The following KIF3A variants were observed in gnomAD, a reference collection of about 807,000 sequenced individuals.
KIF3A encodes the protein kinesin family member 3A, also known as kinesin-like protein KIF3A.
A neutral mutation model predicts 92.6 loss-of-function variants in KIF3A; 27 were observed. The observed-to-expected ratio is 0.29, with a 90% CI of 0.21 to 0.40. The LOEUF (loss-of-function observed/expected upper bound fraction) is 0.40, where lower values mean the gene tolerates loss of function less well. KIF3A is among the 10% of genes least tolerant of loss of function. The probability of loss-of-function intolerance (pLI) is 1.00; values close to 1 mark genes in which losing one functional copy is unlikely to be tolerated. For missense variants in KIF3A, 581 were observed against 872.6 expected (o/e 0.67, Z 4.21); for synonymous variants, 250 against 275.4 (o/e 0.91, Z 0.92).
Position 132,726,384 on chromosome 5 carries a change from C to A in KIF3A, c.395G>T (p.Gly132Val). The change falls in exon 3 of 19, where the codon GGT (glycine) becomes GTT (valine). Residue 132 changes from glycine to valine, a missense_variant. Physicochemically the swap from Gly to Val is moderately radical, Grantham distance 109. Transcript: ENST00000403231. ...IIPNSFAHIF[G>V]HIAKAEGDTR... ...ATCACCCTCCGCTTTTGCAATATGA[C>A]CAAATATGTGAGCAAATGAATTGGG... The A allele has an allele frequency of 6.2e-7, 1 of 1,613,724 alleles. No individual in the cohort carries two copies.
At chr5:132,720,272 AAG>A (rs1487185835) in intron 5 of KIF3A, among the ~76,000 whole-genome samples, 3 of 152,248 alleles carry the variant, frequency 2.0e-5, no homozygotes, top group Non-Finnish European at 4.4e-5. Flanking sequence ...TGTGAGGACT[AAG>A]AGAGCATCTT....
chr5:132,699,413 A>C, intron 17 of KIF3A, 118 bp from the exon 18 acceptor site: 1 of 950,052 alleles, frequency 1.1e-6, no homozygotes, highest in Non-Finnish European at 1.6e-6. Flanking sequence ...CTAAAACCAA[A>C]GAAATGTCTA....
intron 2 of KIF3A, among the ~76,000 whole-genome samples, chr5:132,733,455 G>A (rs1178818200): frequency 6.6e-6 from 1 of 152,200 alleles, no homozygotes; most frequent in Non-Finnish European, 1.5e-5. Context: ...AAATACAGAT[G>A]AGAGAAATTA....
At chr5:132,737,276 CA>C in intron 1 of KIF3A, 137 bp downstream of exon 1, 1 of 963,650 alleles carries the variant, frequency 1.0e-6, no homozygotes, top group South Asian at 2.1e-5. Context: ...GCTCTCCAAC[CA>C]CCTCCACCGC....
At chr5:132,720,573 C>A in intron 5 of KIF3A, 36 bp downstream of exon 5, 1 of 1,385,662 alleles carries the variant, frequency 7.2e-7, no homozygotes, top group Non-Finnish European at 1.0e-6. Context: ...CTACTCAACA[C>A]ACAGATGCTT....
intron 1 of KIF3A, among the ~76,000 whole-genome samples, chr5:132,735,886 G>A (rs1161615375): frequency 6.6e-6 from 1 of 152,178 alleles, no homozygotes; most frequent in African/African-American, 2.4e-5. Flanking sequence ...ATTCTGCCTG[G>A]CTCATCCATG....
rs554044823 is a variant in KIF3A at position 132,702,323 on chromosome 5, C to T, written c.1759-111G>A. 48 of 1,034,800 alleles carry T rather than the reference C, an allele frequency of 4.6e-5. No individual in the cohort carries two copies. The African/African-American group carries it at 6.3e-4, about 14-fold the overall frequency. The allele number at this position is 1,034,800 out of a possible 1,614,324, so 64.1% of individuals were successfully genotyped here. Reference sequence around the variant, plus strand: ...AAACCTTGTGAGAGCTTACCTAGTTCTTTTATAAAAATGATAAACAGCGTG... The same window carrying T: ...AAACCTTGTGAGAGCTTACCTAGTTTTTTTATAAAAATGATAAACAGCGTG... On this transcript the variant is annotated intron_variant, in intron 14 of 18. Coordinates refer to ENST00000403231, the MANE Select transcript of KIF3A (RefSeq NM_001300791.2).
Position 132,696,290 on chromosome 5 carries a change from C to T in KIF3A, c.*344G>A. The T allele has an allele frequency of 6.2e-6, 1 of 162,322 alleles. No individual in the cohort carries two copies. 10.1% of individuals were successfully genotyped at this position (162,322 alleles called of 1,614,324 possible). ...GTTTTTTTTTTTCTATTTTGAAATTCTAGTTACCTAAATATACAGTAGTTG... is the reference window on the plus strand; with the variant it reads ...GTTTTTTTTTTTCTATTTTGAAATTTTAGTTACCTAAATATACAGTAGTTG... On this transcript the variant is annotated 3_prime_UTR_variant, in exon 19 of 19. Coordinates refer to ENST00000403231, the MANE Select transcript of KIF3A (RefSeq NM_001300791.2).
In KIF3A at chr5:132,728,729, T is replaced by A. The variant is rs181409173; in HGVS notation, c.281-2231A>T. Among the ~76,000 whole-genome samples, 7 of 147,786 alleles carry A rather than the reference T, an allele frequency of 4.7e-5. No homozygotes were observed. The East Asian group carries it at 1.4e-3, about 30-fold the overall frequency. ...TCCAGCCAGGGTGACAGAGTGAGAC[T>A]CTGTCTCAAAAAATACAATAAATAA... On this transcript the variant is annotated intron_variant, in intron 2 of 18. Coordinates refer to ENST00000403231, the MANE Select transcript of KIF3A (RefSeq NM_001300791.2).
At chr5:132,721,028 G>A (rs1753805202) in intron 4 of KIF3A, among the ~76,000 whole-genome samples, 1 of 152,188 alleles carries the variant, frequency 6.6e-6, no homozygotes, top group Non-Finnish European at 1.5e-5. Flanking sequence ...ATAAAAAGGA[G>A]GCAGTTAGTC....
intron 4 of KIF3A, among the ~76,000 whole-genome samples, chr5:132,725,927 C>G (rs1273969579): frequency 2.0e-5 from 3 of 152,108 alleles, no homozygotes; most frequent in Non-Finnish European, 4.4e-5. Context: ...ATCAAATTTA[C>G]CAATAATTTA....
intron 4 of KIF3A, among the ~76,000 whole-genome samples, chr5:132,724,152 T>C (rs185024023): frequency 2.6e-5 from 4 of 151,872 alleles, no homozygotes; most frequent in Non-Finnish European, 5.9e-5. Context: ...AGGAAACAGG[T>C]GTTGGAGAGG....
At chr5:132,734,583 G>C in intron 1 of KIF3A, 105 bp from the exon 2 acceptor site, 2 of 933,274 alleles carry the variant, frequency 2.1e-6, no homozygotes, top group Non-Finnish European at 3.1e-6. Flanking sequence ...TCAGTGCCTT[G>C]CACACATTAA....
At chr5:132,724,556 C>T (rs1332347141) in intron 4 of KIF3A, among the ~76,000 whole-genome samples, 1 of 151,736 alleles carries the variant, frequency 6.6e-6, no homozygotes, top group Non-Finnish European at 1.5e-5. Context: ...AAAAACCAAA[C>T]ACCACATGTT....
chr5:132,710,202 G>C (rs1307562824), intron 9 of KIF3A, among the ~76,000 whole-genome samples: 2 of 152,028 alleles, frequency 1.3e-5, no homozygotes, highest in African/African-American at 4.8e-5. Flanking sequence ...ATTTTATAAA[G>C]AAAAAGAACT....
At chr5:132,689,396 C>A (rs1201936837), downstream of KIF3A, among the ~76,000 whole-genome samples, 2 of 152,154 alleles carry the variant, frequency 1.3e-5, no homozygotes, top group South Asian at 4.1e-4. Flanking sequence ...CAGAAAATAA[C>A]ATTATTAGGA....
At chr5:132,711,688 T>C (rs1377017728) in intron 8 of KIF3A, among the ~76,000 whole-genome samples, 3 of 152,152 alleles carry the variant, frequency 2.0e-5, no homozygotes, top group African/African-American at 7.2e-5. Context: ...CTTTTAAAAA[T>C]GTGATCACTT....
rs528740742 is a variant in KIF3A, at chr5:132,737,347, C to T, written c.6+67G>A. The T allele has an allele frequency of 2.6e-6, 4 of 1,550,538 alleles. No individual in the cohort carries two copies. In the Admixed American group the frequency reaches 7.8e-5, roughly 30 times the overall value. On this transcript the variant is annotated intron_variant, in intron 1 of 18. Coordinates refer to ENST00000403231, the MANE Select transcript of KIF3A (RefSeq NM_001300791.2). ...TGCCGGCTCCGCGCCTCCATGGCAA[C>T]GGCCGCGCCCCCGGGCCAGGCCGCT...
intron 17 of KIF3A, chr5:132,699,571 T>A (rs1752958688): frequency 2.1e-6 from 1 of 480,478 alleles, no homozygotes; most frequent in East Asian, 6.0e-5. Context: ...TTTTTTTTTT[T>A]TTTTTGAGAC....
Sources: gnomAD v4.1 joint callset for allele counts (sites outside exome capture counted in the v4.1 genomes callset) on GRCh38, gnomAD v4.1.1 for gene constraint, MANE v1.5 for transcripts, NCBI Gene and HGNC (gene_info 2026-07-23, HGNC 2026-07-21) for gene names.